The following AQP3 variants were observed in gnomAD, a reference collection of about 807,000 sequenced individuals.
The protein encoded by AQP3 is aquaporin-3.
AQP3 carries 15 observed loss-of-function variants against 30.3 expected under a neutral mutation model. The observed-to-expected ratio is 0.49, with a 90% CI of 0.33 to 0.76. The LOEUF (loss-of-function observed/expected upper bound fraction) is 0.76, where lower values mean the gene tolerates loss of function less well. AQP3 is among the 30% of genes least tolerant of loss of function. AQP3 has a pLI of 0.02. For missense variants in AQP3, 272 were observed against 384.8 expected, an observed-to-expected ratio of 0.71 and a Z score of 2.45; for synonymous variants, 153 against 163.2, an observed-to-expected ratio of 0.94 and a Z score of 0.47.
Position 33,442,281 on chromosome 9 carries a change from T to C in AQP3, c.710+20A>G. On this transcript the variant is annotated intron_variant, in intron 5 of 5. Transcript: ENST00000297991. ...AGAGGAGAGGCAGGCTGGGGTGAGC[T>C]GGGTGGGGGCTGTACTCACGTGAAG... is the stretch of plus-strand genomic sequence containing the variant. The C allele has an allele frequency of 1.9e-6, 3 of 1,610,050 alleles. No individual in the cohort carries two copies. The highest frequency in any genetic ancestry group is 1.7e-4 in the Middle Eastern group (1 of 6,052).
At chr9:33,445,793 T>G (rs781770180) in intron 1 of AQP3, among the ~76,000 whole-genome samples, 5 of 152,156 alleles carry the variant, frequency 3.3e-5, no homozygotes, top group Admixed American at 6.5e-5. Flanking sequence ...ATTCTGCCAC[T>G]GCAGGCCTAG....
At position 33,442,095 on chromosome 9, in the gene AQP3, T is replaced by A; in HGVS notation, c.827A>T (p.Asn276Ile). The A allele has an allele frequency of 6.2e-7, 1 of 1,613,892 alleles. No homozygotes were observed. Among genetic ancestry groups the A allele is most frequent in the Non-Finnish European group, 8.5e-7 (1 of 1,180,018 alleles). The change falls in exon 6 of 6, where the codon AAC becomes ATC. Residue 276 changes from asparagine to isoleucine, a missense_variant. This residue lies in a region of AQP3 where 51 missense variants were observed against 51.8 expected (regional missense o/e 0.98). Transcript: ENST00000297991. ...GGCCAGCTTCACATTCTCTTCCTCG[T>A]TGGAGGGTGGGGGCTGCTCCAGGTG... ...GCHLEQPPPS[N>I]EEENVKLAHV...
intron 4 of AQP3, 153 bp downstream of exon 4, chr9:33,442,699 G>GT (rs1470318239): frequency 9.5e-7 from 1 of 1,056,002 alleles, no homozygotes; most frequent in Non-Finnish European, 1.5e-6. Flanking sequence ...CGCATGTTTT[G>GT]TAAGTACTTG....
At position 33,443,180 on chromosome 9, in the gene AQP3, T is replaced by C; in HGVS notation, c.373+141A>G. 7.5e-7 allele frequency: 1 copy of C among 1,338,846 alleles called. No homozygotes were observed. Among genetic ancestry groups the C allele is most frequent in the Non-Finnish European group, 1.0e-6 (1 of 960,130 alleles). 82.9% of individuals were successfully genotyped at this position (1,338,846 alleles called of 1,614,324 possible). A position where few individuals can be genotyped will look rare whatever the true frequency, so the allele number is the denominator to read the frequency against. On this transcript the variant is annotated intron_variant, in intron 3 of 5. Transcript: ENST00000297991. This position sits in a 1 kb window ranked among gnomAD's most constrained non-coding sequence, Gnocchi z 5.0. ...TTTCTTTCCCTTCGTGCCCCCTACC[T>C]TGACCCTGTGCGTGAATGAGTGAGT... is the stretch of plus-strand genomic sequence containing the variant.
At position 33,443,590 on chromosome 9, in the gene AQP3, T is replaced by A. The variant is rs1027686364; in HGVS notation, c.236-132A>T. 1.1e-5 allele frequency: 16 copies of A among 1,438,464 alleles called. No individual in the cohort carries two copies. The South Asian group carries it at 1.7e-4, about 16-fold the overall frequency. The allele number at this position is 1,438,464 out of a possible 1,614,324, so 89.1% of individuals were successfully genotyped here. ...TTGGTCTATGTAACAGGTCAGCTGA[T>A]AATCTCTGATTCCAAGGTGAGAGTC... On this transcript the variant is annotated intron_variant, in intron 2 of 5. Transcript: ENST00000297991. This position sits in a 1 kb window ranked among gnomAD's most constrained non-coding sequence, Gnocchi z 5.0.
In AQP3 at chr9:33,441,706, C is replaced by CG. The variant is rs1826834304; in HGVS notation, c.*336_*337insC. The CG allele has an allele frequency of 7.4e-6, 3 of 408,134 alleles. No homozygotes were observed. The highest frequency in any genetic ancestry group is 8.3e-6 in the Non-Finnish European group (2 of 241,086). The allele number at this position is 408,134 out of a possible 1,614,324, so 25.3% of individuals were successfully genotyped here. The stretch of plus-strand genomic sequence containing the variant: ...TCCCTTGCCCTGAATATCTGGGAAC[C>CG]CCCCCCACACACACACACCCCTGCA... On this transcript the variant is annotated 3_prime_UTR_variant, in exon 6 of 6. Transcript: ENST00000297991.
At chr9:33,442,794 G>T in intron 4 of AQP3, 58 bp downstream of exon 4, 1 of 1,518,746 alleles carries the variant, frequency 6.6e-7, no homozygotes, top group Non-Finnish European at 9.1e-7. Flanking sequence ...CAGCCCATGA[G>T]CTACCAAGGC....
chr9:33,447,179 C>G (rs1826925401), intron 1 of AQP3, among the ~76,000 whole-genome samples: 1 of 152,194 alleles, frequency 6.6e-6, no homozygotes, highest in South Asian at 2.1e-4. Flanking sequence ...GGTAAACGAT[C>G]GGCACTATCA....
At position 33,442,007 on chromosome 9, in the gene AQP3, C is replaced by T. The variant is rs1449838809; in HGVS notation, c.*36G>A. On this transcript the variant is annotated 3_prime_UTR_variant, in exon 6 of 6. Coordinates refer to ENST00000297991, the MANE Select transcript of AQP3 (RefSeq NM_004925.5). ...TTGGACAGTCAGTGGATGCTCAAGG[C>T]CAGGGCAGCGGAGTGGGGAGATGGC... is the stretch of plus-strand genomic sequence containing the variant. The T allele has an allele frequency of 1.2e-6, 2 of 1,606,032 alleles. No individual in the cohort carries two copies. The highest frequency in any genetic ancestry group is 2.2e-5 in the South Asian group (2 of 90,050).
Position 33,442,039 on chromosome 9 carries a change from C to G in AQP3, c.*4G>C, listed in dbSNP as rs771998089. On this transcript the variant is annotated 3_prime_UTR_variant, in exon 6 of 6. Transcript: ENST00000297991. ...AGCGGAGTGGGGAGATGGCCCCTGCCCACTCAGATCTGCTCCTTGTGCTTC... is the reference window on the plus strand; with the variant it reads ...AGCGGAGTGGGGAGATGGCCCCTGCGCACTCAGATCTGCTCCTTGTGCTTC... 17 of 1,612,870 alleles carry G rather than the reference C, an allele frequency of 1.1e-5. No individual in the cohort carries two copies. In the Middle Eastern group the frequency reaches 5.0e-4, roughly 47 times the overall value.
In AQP3 at chr9:33,443,216, G is replaced by T; in HGVS notation, c.373+105C>A. On this transcript the variant is annotated intron_variant, in intron 3 of 5. Coordinates refer to ENST00000297991, the MANE Select transcript of AQP3 (RefSeq NM_004925.5). This position sits in a 1 kb window ranked among gnomAD's most constrained non-coding sequence, Gnocchi z 5.0. ...CGTGAATGAGTGAGTCATGAGCCCG[G>T]GGCCTGGGCAGGTCCTAGCCGTCTG... The T allele has an allele frequency of 2.7e-6, 4 of 1,479,346 alleles. No individual in the cohort carries two copies. The highest frequency in any genetic ancestry group is 3.7e-6 in the Non-Finnish European group (4 of 1,082,636). 91.6% of individuals were successfully genotyped at this position (1,479,346 alleles called of 1,614,324 possible).
chr9:33,446,614 A>T (rs1003502495), intron 1 of AQP3, among the ~76,000 whole-genome samples: 3 of 152,312 alleles, frequency 2.0e-5, no homozygotes, highest in African/African-American at 7.2e-5. Flanking sequence ...CCAGGGTGAA[A>T]CTGGTGTGAC....
rs1482639297 is a variant in AQP3 at position 33,447,446 on chromosome 9, A to G, written c.85T>C (p.Cys29Arg). 6.2e-7 allele frequency: 1 copy of G among 1,606,454 alleles called. No individual in the cohort carries two copies. Among genetic ancestry groups the G allele is most frequent in the Non-Finnish European group, 8.5e-7 (1 of 1,177,114 alleles). Residue 29 changes from cysteine to arginine, a missense_variant, in exon 1 of 6, where the codon TGC (cysteine) becomes CGC (arginine). Cys to Arg is a radical substitution (Grantham distance 180). Coordinates refer to ENST00000297991, the MANE Select transcript of AQP3 (RefSeq NM_004925.5). ...YRLLRQALAE[C>R]LGTLILVMFG... ...ACCACCAGGATGAGGGTCCCCAGGC[A>G]CTCGGCCAGCGCCTGTCGGAGCAGC...
In AQP3 at chr9:33,441,665, AAT is replaced by A; in HGVS notation, c.*376_*377del. On this transcript the variant is annotated 3_prime_UTR_variant, in exon 6 of 6. Transcript: ENST00000297991. ...GTCTCTGGGCTCCCCCAATAGCCAG[AAT>A]CCCTTCCGACTGGTCCCTTGCCCTG... The A allele has an allele frequency of 2.5e-6, 1 of 404,716 alleles. No individual in the cohort carries two copies. Among genetic ancestry groups the A allele is most frequent in the South Asian group, 8.1e-5 (1 of 12,328 alleles). The allele number at this position is 404,716 out of a possible 1,614,324, so 25.1% of individuals were successfully genotyped here.
intron 1 of AQP3, among the ~76,000 whole-genome samples, chr9:33,445,312 G>T (rs1245829563): frequency 6.6e-6 from 1 of 152,168 alleles, no homozygotes; most frequent in East Asian, 1.9e-4. Context: ...TGCCCACAGA[G>T]CAGGCAGTTT....
rs1199861903 is a variant in AQP3 at position 33,443,946 on chromosome 9, G to A, written c.109-54C>T. 8.8e-6 allele frequency: 14 copies of A among 1,594,738 alleles called. 1 individual carries two copies. In the African/African-American group the frequency reaches 1.6e-4, roughly 18 times the overall value. ...GTGAGGACCAGCAACTCTCACTCCAGAAGGAAGGGGTGAAGCCAGCAACAT... is the reference window on the plus strand; with the variant it reads ...GTGAGGACCAGCAACTCTCACTCCAAAAGGAAGGGGTGAAGCCAGCAACAT... On this transcript the variant is annotated intron_variant, in intron 1 of 5. Transcript: ENST00000297991. This position sits in a 1 kb window ranked among gnomAD's most constrained non-coding sequence, Gnocchi z 5.0.
chr9:33,444,209 G>C (rs1162356900), intron 1 of AQP3, among the ~76,000 whole-genome samples: 1 of 152,172 alleles, frequency 6.6e-6, no homozygotes. Context: ...TAGGTGTAGG[G>C]GAACAGCTTT....
chr9:33,442,538 G>C lies in AQP3; in HGVS notation c.493-20C>G. On this transcript the variant is annotated intron_variant, in intron 4 of 5. Transcript: ENST00000297991. The stretch of plus-strand genomic sequence containing the variant: ...TATGAACTGGGGAGTGGGGAGAACA[G>C]GGTGAGCTGCAGCTCCCTCCCTTTC... 3.2e-6 allele frequency: 5 copies of C among 1,586,504 alleles called. No homozygotes were observed. The highest frequency in any genetic ancestry group is 3.4e-6 in the Non-Finnish European group (4 of 1,165,386).
At chr9:33,446,891 C>A (rs961783206) in intron 1 of AQP3, among the ~76,000 whole-genome samples, 1 of 152,256 alleles carries the variant, frequency 6.6e-6, no homozygotes, top group Non-Finnish European at 1.5e-5. Context: ...TCGCTGTTCG[C>A]AGCCCATGTG....
Sources: allele counts gnomAD v4.1 joint callset (sites outside exome capture counted in the v4.1 genomes callset), GRCh38; gene constraint gnomAD v4.1.1; regional missense constraint gnomAD v4.1.1; non-coding constraint Gnocchi (gnomAD v3.1); transcripts MANE v1.5; gene names NCBI Gene and HGNC (gene_info 2026-07-23, HGNC 2026-07-21).